The following HPSE2 variants were observed in gnomAD, a reference collection of about 807,000 sequenced individuals.
HPSE2 encodes inactive heparanase-2.
A neutral mutation model predicts 60.5 loss-of-function variants in HPSE2; 38 were observed. That is an observed-to-expected ratio of 0.63 (90% confidence interval 0.48 to 0.82). HPSE2 has a LOEUF of 0.82. HPSE2 is among the 40% of genes least tolerant of loss of function. The pLI, the probability that HPSE2 is intolerant of heterozygous loss-of-function variation, is 0.00. For synonymous variants in HPSE2, 295 were observed against 293.2 expected (o/e 1.01, Z -0.06); for missense variants, 713 against 740.4 (o/e 0.96, Z 0.43).
chr10:99,140,258 CA>C (rs1287999390), intron 3 of HPSE2, among the ~76,000 whole-genome samples: 1 of 152,170 alleles, frequency 6.6e-6, no homozygotes, highest in African/African-American at 2.4e-5. Context: ...ATTGGAATCT[CA>C]GTCCAGTTTG....
intron 3 of HPSE2, among the ~76,000 whole-genome samples, chr10:99,009,852 C>T (rs896795854): frequency 1.3e-5 from 2 of 152,162 alleles, no homozygotes; most frequent in East Asian, 3.8e-4. Flanking sequence ...CATTAATTAT[C>T]AACATCATTT....
chr10:98,750,558 G>A (rs1461108894), intron 3 of HPSE2, among the ~76,000 whole-genome samples: 1 of 152,122 alleles, frequency 6.6e-6, no homozygotes, highest in Non-Finnish European at 1.5e-5. Context: ...CTTGGACCAG[G>A]GTGGTAGCAG....
intron 9 of HPSE2, among the ~76,000 whole-genome samples, chr10:98,596,025 C>T (rs191983625): frequency 5.3e-4 from 80 of 152,260 alleles, no homozygotes; most frequent in African/African-American, 1.8e-3. Flanking sequence ...GCATGTTGAA[C>T]CATTCTTGCA....
intron 2 of HPSE2, among the ~76,000 whole-genome samples, chr10:99,157,906 G>C (rs1425533284): frequency 1.9e-5 from 2 of 104,130 alleles, no homozygotes; most frequent in African/African-American, 5.5e-5. Flanking sequence ...AAATTTACAA[G>C]AAAAAAACAA....
intron 2 of HPSE2, among the ~76,000 whole-genome samples, chr10:99,231,621 A>T (rs568161258): frequency 6.6e-6 from 1 of 152,320 alleles, no homozygotes; most frequent in East Asian, 1.9e-4. Context: ...TAAGATTTCA[A>T]GTTTTCAAAG....
chr10:98,611,853 A>G (rs1325990681), intron 9 of HPSE2, among the ~76,000 whole-genome samples: 1 of 152,248 alleles, frequency 6.6e-6, no homozygotes, highest in Non-Finnish European at 1.5e-5. Context: ...CCAGAAATAC[A>G]GCTGCCCAGA....
chr10:98,965,908 G>A (rs1233060389), intron 3 of HPSE2, among the ~76,000 whole-genome samples: 2 of 144,690 alleles, frequency 1.4e-5, no homozygotes, highest in African/African-American at 2.6e-5. Context: ...TCTTTTTTTT[G>A]AGATGGAGCC....
chr10:99,015,325 T>C (rs1043227586), intron 3 of HPSE2, among the ~76,000 whole-genome samples: 7 of 152,082 alleles, frequency 4.6e-5, no homozygotes, highest in African/African-American at 9.7e-5. Context: ...TGGGTATATA[T>C]CCAAAGGATT....
chr10:98,513,505 G>A (rs1483996748), intron 9 of HPSE2, among the ~76,000 whole-genome samples: 3 of 152,100 alleles, frequency 2.0e-5, no homozygotes, highest in African/African-American at 4.8e-5. Flanking sequence ...AGAAGTCCTG[G>A]AGCATGAAGT....
At chr10:98,520,051 C>T (rs1942735545) in intron 9 of HPSE2, among the ~76,000 whole-genome samples, 6 of 152,166 alleles carry the variant, frequency 3.9e-5, no homozygotes, top group Admixed American at 3.9e-4. Flanking sequence ...TGTTTTCCTG[C>T]TTTGGAGACT....
chr10:98,651,352 C>G (rs1470271783), intron 6 of HPSE2, among the ~76,000 whole-genome samples: 1 of 152,062 alleles, frequency 6.6e-6, no homozygotes, highest in Non-Finnish European at 1.5e-5. Flanking sequence ...ACATCAGGAC[C>G]AGGAAATAAA....
the HPSE2 span, among the ~76,000 whole-genome samples, chr10:99,280,995 A>T: frequency 6.6e-6 from 1 of 152,116 alleles, no homozygotes; most frequent in Non-Finnish European, 1.5e-5. Flanking sequence ...AACTTTCTGT[A>T]CCTCAAATCT....
chr10:98,796,895 A>G (rs564275191), intron 3 of HPSE2, among the ~76,000 whole-genome samples: 28 of 152,292 alleles, frequency 1.8e-4, no homozygotes, highest in African/African-American at 3.6e-4. Flanking sequence ...GGTAATCCAG[A>G]TAACTCTTCA....
intron 1 of HPSE2, 73 bp from the exon 2 acceptor site, chr10:99,232,578 C>T: frequency 6.7e-7 from 1 of 1,486,828 alleles, no homozygotes; most frequent in South Asian, 1.2e-5. Flanking sequence ...GGAGAAGGGC[C>T]CTCTTCCTAC....
rs182154021 is a variant in HPSE2 at position 98,680,816 on chromosome 10, C to T, written c.1004+13084G>A. Among the ~76,000 whole-genome samples, 35 of 152,202 alleles carry T rather than the reference C, an allele frequency of 2.3e-4. No homozygotes were observed. The East Asian group carries it at 6.8e-3, about 29-fold the overall frequency. ...TGTCATCCAGGTTGGAGATCAGAGGCATGATCTCGGCTCACTGTAACCTCC... is the reference window on the plus strand; with the variant it reads ...TGTCATCCAGGTTGGAGATCAGAGGTATGATCTCGGCTCACTGTAACCTCC... On this transcript the variant is annotated intron_variant, in intron 6 of 11. Transcript: ENST00000370552.
At chr10:99,270,638 A>G in the HPSE2 span, among the ~76,000 whole-genome samples, 4 of 152,218 alleles carry the variant, frequency 2.6e-5, no homozygotes. Flanking sequence ...TATTCTATGA[A>G]GCCAGTATCA....
intron 3 of HPSE2, among the ~76,000 whole-genome samples, chr10:98,854,984 C>T (rs779190776): frequency 6.6e-6 from 1 of 152,126 alleles, no homozygotes; most frequent in Non-Finnish European, 1.5e-5. Flanking sequence ...TTCACTGTCA[C>T]CTTAATGACA....
chr10:98,463,840 C>T (rs758560512), intron 11 of HPSE2, among the ~76,000 whole-genome samples: 3 of 149,570 alleles, frequency 2.0e-5, no homozygotes, highest in Admixed American at 1.3e-4. Flanking sequence ...TTTTTCAGGC[C>T]GAGTGCGGTG....
intron 5 of HPSE2, among the ~76,000 whole-genome samples, chr10:98,719,727 G>GA (rs1213841613): frequency 7.0e-6 from 1 of 142,330 alleles, no homozygotes; most frequent in Non-Finnish European, 1.5e-5. Context: ...AAAAGAAGAA[G>GA]AAAAAAAACT....
Sources: gnomAD v4.1 joint callset for allele counts (sites outside exome capture counted in the v4.1 genomes callset) on GRCh38, gnomAD v4.1.1 for gene constraint, MANE v1.5 for transcripts, NCBI Gene and HGNC (gene_info 2026-07-23, HGNC 2026-07-21) for gene names.